Variants in ZMIZ1 observed in about 807,000 individuals in gnomAD.
The protein encoded by ZMIZ1 is zinc finger MIZ domain-containing protein 1.
ZMIZ1 carries 17 observed loss-of-function variants against 113.9 expected under a neutral mutation model. The ratio of observed to expected loss-of-function variants is 0.15; its 90% CI spans 0.10 to 0.22. The LOEUF (loss-of-function observed/expected upper bound fraction) is 0.22, where lower values mean the gene tolerates loss of function less well. Among genes scored for constraint, ZMIZ1 ranks in the 10% least tolerant of loss-of-function variants. ZMIZ1 has a pLI of 1.00. For missense variants in ZMIZ1, 1,059 were observed against 1,477.8 expected (o/e 0.72, Z 4.65); for synonymous variants, 607 against 603.1 (o/e 1.01, Z -0.09).
intron 7 of ZMIZ1, among the ~76,000 whole-genome samples, chr10:79,235,960 C>T (rs1345520308): frequency 2.6e-5 from 4 of 152,144 alleles, no homozygotes; most frequent in African/African-American, 4.8e-5. Context: ...GGAGGCAGTC[C>T]CTGCCTCCTC....
chr10:79,197,796 T>G (rs1847906318), intron 4 of ZMIZ1, among the ~76,000 whole-genome samples: 1 of 152,080 alleles, frequency 6.6e-6, no homozygotes. Flanking sequence ...TTTTCTTATC[T>G]GTGCTGTGCC....
intron 7 of ZMIZ1, among the ~76,000 whole-genome samples, chr10:79,248,919 C>T (rs1850373777): frequency 6.6e-6 from 1 of 152,168 alleles, no homozygotes; most frequent in Non-Finnish European, 1.5e-5. Context: ...CCCAGGGCTC[C>T]AGTGTTGAAT....
intron 2 of ZMIZ1, among the ~76,000 whole-genome samples, chr10:79,133,626 A>T (rs147729709): frequency 1.3e-5 from 2 of 152,064 alleles, no homozygotes; most frequent in Admixed American, 6.5e-5. Flanking sequence ...AAATAGACAC[A>T]TGGGGACCTT....
At chr10:79,084,954 C>T (rs942021176) in intron 1 of ZMIZ1, among the ~76,000 whole-genome samples, 25 of 152,128 alleles carry the variant, frequency 1.6e-4, no homozygotes, top group Non-Finnish European at 2.6e-4. Context: ...CCTGCACAGG[C>T]CCCTGGGTCT....
chr10:79,284,751 G>A (rs879363203), intron 8 of ZMIZ1, among the ~76,000 whole-genome samples: 4 of 152,298 alleles, frequency 2.6e-5, no homozygotes, highest in Middle Eastern at 3.4e-3. Flanking sequence ...GGTTTGACCC[G>A]GAAGACTGTA....
intron 4 of ZMIZ1, among the ~76,000 whole-genome samples, chr10:79,169,886 C>CA (rs1171513889): frequency 1.1e-4 from 17 of 152,244 alleles, no homozygotes; most frequent in African/African-American, 3.9e-4. Context: ...TCCCACCCCT[C>CA]AAACAGGAGC....
At chr10:79,303,787 G>C (rs1047460006) in intron 18 of ZMIZ1, among the ~76,000 whole-genome samples, 1 of 152,214 alleles carries the variant, frequency 6.6e-6, no homozygotes, top group Non-Finnish European at 1.5e-5. Flanking sequence ...CAGCCACCTC[G>C]TCTGGCACAC....
At chr10:79,235,475 A>C (rs970030789) in intron 7 of ZMIZ1, among the ~76,000 whole-genome samples, 4 of 152,210 alleles carry the variant, frequency 2.6e-5, no homozygotes, top group African/African-American at 9.7e-5. Flanking sequence ...CTCAGAAGCC[A>C]TAAGCCCACC....
At chr10:79,084,485 C>G (rs924241904) in intron 1 of ZMIZ1, among the ~76,000 whole-genome samples, 1 of 152,256 alleles carries the variant, frequency 6.6e-6, no homozygotes, top group Non-Finnish European at 1.5e-5. Flanking sequence ...GAGGGCAGCT[C>G]TATCTTGGCC....
At chr10:79,161,465 A>G (rs1428419704) in intron 3 of ZMIZ1, among the ~76,000 whole-genome samples, 1 of 151,848 alleles carries the variant, frequency 6.6e-6, no homozygotes, top group Non-Finnish European at 1.5e-5. Context: ...ACTTTTCTCT[A>G]TCTTGGAGTC....
chr10:79,290,352 A>C (rs1853399508), intron 9 of ZMIZ1, among the ~76,000 whole-genome samples: 4 of 149,174 alleles, frequency 2.7e-5, no homozygotes, highest in Non-Finnish European at 3.0e-5. Flanking sequence ...TCTCTCTTCC[A>C]CTCCTCCTCT....
intron 8 of ZMIZ1, among the ~76,000 whole-genome samples, chr10:79,283,131 G>A (rs150540427): frequency 6.6e-5 from 10 of 152,368 alleles, no homozygotes; most frequent in East Asian, 5.8e-4. Context: ...GTCAAAACTC[G>A]CTAGGGCTGG....
At chr10:79,098,663 C>G (rs1843252201) in intron 1 of ZMIZ1, among the ~76,000 whole-genome samples, 1 of 152,268 alleles carries the variant, frequency 6.6e-6, no homozygotes, top group Admixed American at 6.5e-5. Context: ...CGCACTCATA[C>G]AGCCGCCCAG....
intron 9 of ZMIZ1, 42 bp downstream of exon 9, chr10:79,289,931 G>T: frequency 6.3e-7 from 1 of 1,584,814 alleles, no homozygotes; most frequent in South Asian, 1.1e-5. Context: ...CTTTCTAGGC[G>T]GGAGTGTCCC....
chr10:79,131,621 A>C (rs1010702780), intron 2 of ZMIZ1, among the ~76,000 whole-genome samples: 1 of 152,124 alleles, frequency 6.6e-6, no homozygotes, highest in Admixed American at 6.5e-5. Flanking sequence ...TTGGAGAGGC[A>C]CTTAGAGCAG....
intron 7 of ZMIZ1, among the ~76,000 whole-genome samples, chr10:79,248,595 G>A (rs1243518635): frequency 2.0e-5 from 3 of 152,194 alleles, no homozygotes; most frequent in Non-Finnish European, 4.4e-5. Context: ...CCCTGCTGAC[G>A]CAATGGAAAG....
chr10:79,195,716 CAAG>C (rs1158780060), intron 4 of ZMIZ1, among the ~76,000 whole-genome samples: 1 of 152,152 alleles, frequency 6.6e-6, no homozygotes. Flanking sequence ...TTGGGTGGAA[CAAG>C]AAGGTCATCT....
chr10:79,305,559 AG>A lies in ZMIZ1; in HGVS notation c.2383del (p.Val795TrpfsTer9). 6.2e-7 allele frequency: 1 copy of A among 1,611,968 alleles called. No individual in the cohort carries two copies. The highest frequency in any genetic ancestry group is 8.5e-7 in the Non-Finnish European group (1 of 1,178,662). ...AAAACCGCTCTGCTGGAGGGCCTGGAGGTGGATCAGTACATGTGGGGAATCC... is the reference window on the plus strand; with the variant it reads ...AAAACCGCTCTGCTGGAGGGCCTGGAGTGGATCAGTACATGTGGGGAATCC... ...CNKTALLEGL[E>X]VDQYMWGILN... On this transcript the variant is annotated frameshift_variant, in exon 21 of 25. Coordinates refer to ENST00000334512, the MANE Select transcript of ZMIZ1 (RefSeq NM_020338.4). LOFTEE classifies it high-confidence loss of function.
chr10:79,170,988 A>G (rs1398503866), intron 4 of ZMIZ1, among the ~76,000 whole-genome samples: 1 of 152,200 alleles, frequency 6.6e-6, no homozygotes, highest in Non-Finnish European at 1.5e-5. Context: ...CTGCTCCTGA[A>G]CACTGGTCCC....
Sources: allele counts gnomAD v4.1 joint callset (sites outside exome capture counted in the v4.1 genomes callset), GRCh38; gene constraint gnomAD v4.1.1; transcripts MANE v1.5; gene names NCBI Gene and HGNC (gene_info 2026-07-23, HGNC 2026-07-21).